Variants in ENTREP2 observed in about 807,000 individuals in gnomAD.
The protein encoded by ENTREP2 is protein ENTREP2.
At chr15:29,482,683 A>C in the ENTREP2 span, among the ~76,000 whole-genome samples, 10,490 of 152,238 alleles carry the variant, frequency 0.069, 496 homozygotes, top group South Asian at 0.13. Flanking sequence ...ATTTCTTTTT[A>C]GTGCTTAGAA....
chr15:29,546,847 A>G, the ENTREP2 span, among the ~76,000 whole-genome samples: 1 of 149,618 alleles, frequency 6.7e-6, no homozygotes, highest in African/African-American at 2.5e-5. Context: ...AGATCACGCC[A>G]CTGCACTCCA....
the ENTREP2 span, among the ~76,000 whole-genome samples, chr15:29,566,116 T>C: frequency 6.6e-6 from 1 of 152,156 alleles, no homozygotes; most frequent in Non-Finnish European, 1.5e-5. Flanking sequence ...GCGAAAGCTA[T>C]ACATTGTTTG....
At chr15:29,672,649 C>T in the ENTREP2 span, among the ~76,000 whole-genome samples, 27 of 152,148 alleles carry the variant, frequency 1.8e-4, no homozygotes, top group African/African-American at 5.8e-4. Flanking sequence ...AGGGGAATTG[C>T]AGTCGAGAGT....
the ENTREP2 span, among the ~76,000 whole-genome samples, chr15:29,400,269 A>C: frequency 7.2e-5 from 11 of 152,340 alleles, no homozygotes; most frequent in African/African-American, 2.2e-4. Context: ...ACTGGTTAGA[A>C]AAGAGAATAC....
chr15:29,275,496 A>G, the ENTREP2 span, among the ~76,000 whole-genome samples: 1 of 152,220 alleles, frequency 6.6e-6, no homozygotes, highest in Non-Finnish European at 1.5e-5. Context: ...TAAAAAAGAA[A>G]AACATTTTCA....
chr15:29,279,658 T>C, the ENTREP2 span, among the ~76,000 whole-genome samples: 13 of 152,234 alleles, frequency 8.5e-5, no homozygotes, highest in South Asian at 1.9e-3. Flanking sequence ...CCACCGCGCC[T>C]GGCCTCAGTT....
the ENTREP2 span, among the ~76,000 whole-genome samples, chr15:29,591,996 G>C: frequency 6.6e-6 from 1 of 151,642 alleles, no homozygotes; most frequent in Non-Finnish European, 1.5e-5. Context: ...AGGAAGGAAG[G>C]ATTCTCCCCA....
At chr15:29,422,137 G>T in the ENTREP2 span, among the ~76,000 whole-genome samples, 2 of 152,178 alleles carry the variant, frequency 1.3e-5, no homozygotes, top group Non-Finnish European at 2.9e-5. Flanking sequence ...ATGCATGGTG[G>T]TGGGCACCTG....
the ENTREP2 span, among the ~76,000 whole-genome samples, chr15:29,426,793 T>G: frequency 6.6e-6 from 1 of 152,348 alleles, no homozygotes; most frequent in South Asian, 2.1e-4. Context: ...TCCATTGGCT[T>G]TTGGAGTTGG....
chr15:29,156,953 C>T, the ENTREP2 span, among the ~76,000 whole-genome samples: 35 of 151,922 alleles, frequency 2.3e-4, no homozygotes, highest in Non-Finnish European at 3.8e-4. Context: ...AAAAATTAGC[C>T]GGGAGAGGTG....
chr15:29,606,576 G>C, the ENTREP2 span, among the ~76,000 whole-genome samples: 9 of 151,876 alleles, frequency 5.9e-5, no homozygotes, highest in East Asian at 1.4e-3. Context: ...GGCTTATACT[G>C]TCTTTCCTTG....
At chr15:29,262,870 T>C in the ENTREP2 span, among the ~76,000 whole-genome samples, 1 of 152,008 alleles carries the variant, frequency 6.6e-6, no homozygotes, top group South Asian at 2.1e-4. Flanking sequence ...TATCTCCAGG[T>C]AGATAGTGTT....
At chr15:29,652,538 C>A in the ENTREP2 span, among the ~76,000 whole-genome samples, 1 of 152,204 alleles carries the variant, frequency 6.6e-6, no homozygotes, top group African/African-American at 2.4e-5. Context: ...GAGCTGAGGC[C>A]CTTTAGGGAG....
chr15:29,146,374 A>T, the ENTREP2 span, among the ~76,000 whole-genome samples: 1 of 152,206 alleles, frequency 6.6e-6, no homozygotes, highest in South Asian at 2.1e-4. Context: ...ACAGAACTGG[A>T]GGGCTCACAC....
chr15:29,121,515 G>A, the ENTREP2 span: 1 of 152,242 alleles, frequency 6.6e-6, no homozygotes, highest in African/African-American at 2.4e-5. Context: ...AGATTCAGAG[G>A]CCAGGGCGTC....
chr15:29,351,134 C>A, the ENTREP2 span, among the ~76,000 whole-genome samples: 1 of 152,160 alleles, frequency 6.6e-6, no homozygotes, highest in African/African-American at 2.4e-5. Flanking sequence ...ACCTAGATGG[C>A]ATAGCCTACT....
chr15:29,248,272 T>C, the ENTREP2 span, among the ~76,000 whole-genome samples: 1 of 152,144 alleles, frequency 6.6e-6, no homozygotes, highest in South Asian at 2.1e-4. Context: ...CAGGAAGTTA[T>C]TGGGGTAGCA....
At chr15:29,178,339 C>T in the ENTREP2 span, among the ~76,000 whole-genome samples, 25 of 151,338 alleles carry the variant, frequency 1.7e-4, no homozygotes, top group Non-Finnish European at 1.6e-4. Context: ...GAAAAAGAAC[C>T]GGTTACCATC....
the ENTREP2 span, among the ~76,000 whole-genome samples, chr15:29,294,907 G>A: frequency 6.6e-6 from 1 of 152,186 alleles, no homozygotes; most frequent in African/African-American, 2.4e-5. Context: ...GGGACCCTGT[G>A]GGGAGCCTTC....
Sources: gnomAD v4.1 joint callset for allele counts (sites outside exome capture counted in the v4.1 genomes callset) on GRCh38, gnomAD v4.1.1 for gene constraint, MANE v1.5 for transcripts, NCBI Gene and HGNC (gene_info 2026-07-23, HGNC 2026-07-21) for gene names.